SNX24: variants seen among roughly 807,000 people sequenced by gnomAD.
SNX24 encodes sorting nexin 24.
SNX24 carries 22 observed loss-of-function variants against 28.7 expected under a neutral mutation model. That is an observed-to-expected ratio of 0.77 (90% CI 0.55 to 1.10). The LOEUF is 1.10. Ranked by LOEUF, SNX24 falls within the 50% of genes least tolerant of loss-of-function variation. The probability of loss-of-function intolerance (pLI) is 0.00; values close to 1 mark genes in which losing one functional copy is unlikely to be tolerated. For missense variants in SNX24, 221 were observed against 201.1 expected, an observed-to-expected ratio of 1.10 and a Z score of -0.60; for synonymous variants, 69 against 71.5, an observed-to-expected ratio of 0.96 and a Z score of 0.18.
At chr5:122,919,207 C>T (rs909646907) in intron 1 of SNX24, among the ~76,000 whole-genome samples, 9 of 152,204 alleles carry the variant, frequency 5.9e-5, no homozygotes, top group Admixed American at 5.9e-4. Context: ...CTGTTTTGGA[C>T]TGTTTGTGCA....
intron 6 of SNX24, among the ~76,000 whole-genome samples, chr5:123,007,229 C>T (rs905786932): frequency 6.6e-6 from 1 of 152,196 alleles, no homozygotes; most frequent in Non-Finnish European, 1.5e-5. Context: ...TCTAATGGAA[C>T]AAGTAGACTC....
chr5:123,019,629 T>A (rs370028835), intron 5 of SNX24, among the ~76,000 whole-genome samples: 1 of 152,250 alleles, frequency 6.6e-6, no homozygotes, highest in South Asian at 2.1e-4. Flanking sequence ...AAATAAATTA[T>A]GGCTAAGAAT....
chr5:122,885,524 T>TG (rs927152264), intron 1 of SNX24, among the ~76,000 whole-genome samples: 1 of 152,000 alleles, frequency 6.6e-6, no homozygotes, highest in African/African-American at 2.4e-5. Context: ...TGACAGTTTT[T>TG]GGTGTACTGA....
chr5:122,868,200 A>C (rs568744625), intron 1 of SNX24, among the ~76,000 whole-genome samples: 9 of 152,138 alleles, frequency 5.9e-5, no homozygotes, highest in Non-Finnish European at 1.3e-4. Context: ...CATGTGGGCT[A>C]CCTCTTCCTG....
At chr5:122,944,756 G>C (rs1759611428) in intron 2 of SNX24, among the ~76,000 whole-genome samples, 3 of 152,228 alleles carry the variant, frequency 2.0e-5, no homozygotes, top group Admixed American at 6.5e-5. Flanking sequence ...TTTCAGCCTA[G>C]AATGGTTAAG....
Position 122,845,662 on chromosome 5 carries a change from A to G in SNX24, c.29A>G (p.Tyr10Cys). The part of the protein sequence containing the change: MEVYIPSFR[Y>C]EESDLERGYT... The stretch of plus-strand genomic sequence containing the variant: ...GAGGTCTACATCCCGTCCTTTCGCT[A>G]TGAAGAGAGCGACCTGGAGCGGGGA... Residue 10 changes from tyrosine to cysteine, a missense_variant, in exon 1 of 7, where the codon TAT becomes TGT. Physicochemically the swap from Tyr to Cys is radical, Grantham distance 194 (BLOSUM62 -2). Transcript: ENST00000261369. 7.0e-7 allele frequency: 1 copy of G among 1,429,286 alleles called. No homozygotes were observed. Among genetic ancestry groups the G allele is most frequent in the East Asian group, 2.7e-5 (1 of 36,442 alleles). 88.5% of individuals were successfully genotyped at this position (1,429,286 alleles called of 1,614,324 possible).
chr5:122,865,227 T>C (rs1055972163), intron 1 of SNX24, among the ~76,000 whole-genome samples: 2 of 152,238 alleles, frequency 1.3e-5, no homozygotes, highest in Non-Finnish European at 2.9e-5. Flanking sequence ...AAAAGCCTAC[T>C]CCCTATCAAC....
At chr5:123,020,992 C>CCTCTTGCACCTCCCCTGCTCT (rs1762753383) in intron 5 of SNX24, among the ~76,000 whole-genome samples, 1 of 151,134 alleles carries the variant, frequency 6.6e-6, no homozygotes. Context: ...AGCCCTGCTC[C>CCTCTTGCACCTCCCCTGCTCT]CTCTTGCACC....
chr5:122,887,272 T>A (rs114013103), intron 1 of SNX24, among the ~76,000 whole-genome samples: 2,386 of 152,338 alleles, frequency 0.016, 29 homozygotes, highest in Non-Finnish European at 0.026. Flanking sequence ...ATTTTTGGCA[T>A]CTGTTGTTGC....
At chr5:122,895,896 C>G (rs1391001517) in intron 1 of SNX24, among the ~76,000 whole-genome samples, 1 of 152,190 alleles carries the variant, frequency 6.6e-6, no homozygotes. Context: ...TGCCTGTAAT[C>G]CCAGCACTTT....
At chr5:122,913,344 G>T (rs1482622379) in intron 1 of SNX24, among the ~76,000 whole-genome samples, 2 of 151,406 alleles carry the variant, frequency 1.3e-5, no homozygotes, top group East Asian at 2.0e-4. Context: ...GCCGGGCGGG[G>T]GCTGACCCCC....
At chr5:122,928,275 C>T (rs371883) in intron 1 of SNX24, among the ~76,000 whole-genome samples, 24,563 of 152,198 alleles carry the variant, frequency 0.16, 2,517 homozygotes, top group East Asian at 0.48. Flanking sequence ...CTCACTCCCT[C>T]CTGTCATTCA....
intron 1 of SNX24, among the ~76,000 whole-genome samples, 176 bp downstream of exon 1, chr5:122,845,869 C>CAA (rs1488509249): frequency 6.6e-6 from 1 of 151,958 alleles, no homozygotes; most frequent in Non-Finnish European, 1.5e-5. Context: ...AAACGGGCGC[C>CAA]CCTCCCGGGC....
intron 6 of SNX24, among the ~76,000 whole-genome samples, chr5:123,003,522 T>G (rs1762319435): frequency 6.6e-6 from 1 of 152,234 alleles, no homozygotes; most frequent in African/African-American, 2.4e-5. Flanking sequence ...ATGTATTGTT[T>G]ATGCTCAGAT....
intron 3 of SNX24, among the ~76,000 whole-genome samples, chr5:122,964,247 CAA>C (rs34174497): frequency 6.8e-4 from 25 of 36,574 alleles, no homozygotes; most frequent in Admixed American, 5.2e-3. Flanking sequence ...GACTCCATCT[CAA>C]AAAAAAAAAA....
chr5:122,931,781 T>G (rs904353356), intron 1 of SNX24, among the ~76,000 whole-genome samples: 5 of 152,076 alleles, frequency 3.3e-5, no homozygotes, highest in Admixed American at 6.5e-5. Context: ...TGGCAAGCAC[T>G]TGAATTATTT....
At chr5:122,955,738 C>G (rs1760177504) in intron 3 of SNX24, among the ~76,000 whole-genome samples, 1 of 152,150 alleles carries the variant, frequency 6.6e-6, no homozygotes, top group Non-Finnish European at 1.5e-5. Flanking sequence ...CTCGTTACTG[C>G]CATTGGCCCT....
chr5:122,879,496 T>C (rs1394254423), intron 1 of SNX24, among the ~76,000 whole-genome samples: 2 of 152,192 alleles, frequency 1.3e-5, no homozygotes, highest in Non-Finnish European at 2.9e-5. Flanking sequence ...TGTCCTTAAG[T>C]AAATGGAACT....
intron 1 of SNX24, among the ~76,000 whole-genome samples, chr5:122,918,451 T>C (rs1012558383): frequency 6.6e-6 from 1 of 152,228 alleles, no homozygotes; most frequent in Non-Finnish European, 1.5e-5. Flanking sequence ...TTAGGACTTT[T>C]GGAAAGATAA....
Sources: gnomAD v4.1 joint callset for allele counts (sites outside exome capture counted in the v4.1 genomes callset) on GRCh38, gnomAD v4.1.1 for gene constraint, MANE v1.5 for transcripts, NCBI Gene and HGNC (gene_info 2026-07-23, HGNC 2026-07-21) for gene names.